Variants in OR2AG1 observed in about 807,000 individuals in gnomAD.
OR2AG1 encodes olfactory receptor family 2 subfamily AG member 1.
For missense variants in OR2AG1, 391 were observed against 385.9 expected, an observed-to-expected ratio of 1.01 and a Z score of -0.11; for synonymous variants, 157 against 155.6, an observed-to-expected ratio of 1.01 and a Z score of -0.07.
rs963774881 is a variant in OR2AG1, at chr11:6,787,967, C to A, written c.*1979C>A. 2.0e-5 allele frequency: 3 copies of A among 151,852 alleles called. No homozygotes were observed. The highest frequency in any genetic ancestry group is 4.8e-5 in the African/African-American group (2 of 41,310). The allele number at this position is 151,852 out of a possible 1,614,324, so 9.4% of individuals were successfully genotyped here. A position where few individuals can be genotyped will look rare whatever the true frequency, so the allele number is the denominator to read the frequency against. ...ACTAATTGATAAGGTATAAAATTTGCCTATTTTAATTTGCTTAAGTAACTT... is the reference window on the plus strand; with the variant it reads ...ACTAATTGATAAGGTATAAAATTTGACTATTTTAATTTGCTTAAGTAACTT... On this transcript the variant is annotated 3_prime_UTR_variant, in exon 2 of 2. Coordinates refer to ENST00000641258, the MANE Select transcript of OR2AG1 (RefSeq NM_001004489.3).
Position 6,785,124 on chromosome 11 carries a change from T to G in OR2AG1, c.87T>G (p.Ala29=). The G allele has an allele frequency of 6.2e-7, 1 of 1,614,130 alleles. No individual in the cohort carries two copies. The highest frequency in any genetic ancestry group is 8.5e-7 in the Non-Finnish European group (1 of 1,179,954). Residue 29 remains alanine, a synonymous_variant, in exon 2 of 2, where the codon GCT becomes GCG. Coordinates refer to ENST00000641258, the MANE Select transcript of OR2AG1 (RefSeq NM_001004489.3). ...NDSGSPELLC[A]TITILYLLAL... ...GTGGGTCTCCTGAACTGCTCTGTGCTACAATTACAATCCTATACTTGTTGG... is the reference window on the plus strand; with the variant it reads ...GTGGGTCTCCTGAACTGCTCTGTGCGACAATTACAATCCTATACTTGTTGG...
chr11:6,790,754 T>C lies in OR2AG1; in HGVS notation c.*4766T>C, dbSNP rs944479743. The C allele has an allele frequency of 2.0e-5, 3 of 152,206 alleles. No homozygotes were observed. Among genetic ancestry groups the C allele is most frequent in the Admixed American group, 6.5e-5 (1 of 15,276 alleles). 9.4% of individuals were successfully genotyped at this position (152,206 alleles called of 1,614,324 possible). A position where few individuals can be genotyped will look rare whatever the true frequency, so the allele number is the denominator to read the frequency against. On this transcript the variant is annotated 3_prime_UTR_variant, in exon 2 of 2. Transcript: ENST00000641258. ...AGACGACTTGCAGTGTAGAGCCCTC[T>C]AGGCTTTCAGCCTAGAACAGGAAGG...
chr11:6,783,118 T>A lies in OR2AG1; in HGVS notation c.-374T>A, dbSNP rs1256402787. The A allele has an allele frequency of 6.6e-6, 1 of 152,226 alleles. No homozygotes were observed. The allele number at this position is 152,226 out of a possible 1,614,324, so 9.4% of individuals were successfully genotyped here. ...CTGCTCTAGGGCTAGAGGGGCTCTC[T>A]CCCTGGCAACCTGTATGAAAGTAGT... On this transcript the variant is annotated 5_prime_UTR_variant, in exon 1 of 2. Coordinates refer to ENST00000641258, the MANE Select transcript of OR2AG1 (RefSeq NM_001004489.3).
chr11:6,783,645 C>G (rs1398684283), intron 1 of OR2AG1, among the ~76,000 whole-genome samples, 174 bp downstream of exon 1: 3 of 152,146 alleles, frequency 2.0e-5, no homozygotes, highest in African/African-American at 4.8e-5. Context: ...TTTTCTGAAC[C>G]CGAAAAGAGA....
Position 6,786,943 on chromosome 11 carries a change from G to C in OR2AG1, c.*955G>C, listed in dbSNP as rs182334466. 91 of 152,314 alleles carry C rather than the reference G, an allele frequency of 6.0e-4. No individual in the cohort carries two copies. The highest frequency in any genetic ancestry group is 2.0e-3 in the African/African-American group (84 of 41,574). 9.4% of individuals were successfully genotyped at this position (152,314 alleles called of 1,614,324 possible). On this transcript the variant is annotated 3_prime_UTR_variant, in exon 2 of 2. Coordinates refer to ENST00000641258, the MANE Select transcript of OR2AG1 (RefSeq NM_001004489.3). The stretch of plus-strand genomic sequence containing the variant: ...AAGATGTGAACAAAAGCTGTGAGTT[G>C]CATTTTGAAGATTAAAAATAATATA...
rs930003422 is a variant in OR2AG1 at position 6,785,517 on chromosome 11, C to A, written c.480C>A (p.Thr160=). The change falls in exon 2 of 2, where the codon ACC becomes ACA. Residue 160 remains threonine (T), a synonymous_variant. Coordinates refer to ENST00000641258, the MANE Select transcript of OR2AG1 (RefSeq NM_001004489.3). ...CATCCCTAAGTGCCCTAATATATAC[C>A]GTGTATACCATGCACTATCCCTTCT... ...ILASLSALIY[T]VYTMHYPFCR... 1.9e-6 allele frequency: 3 copies of A among 1,614,098 alleles called. No individual in the cohort carries two copies. Among genetic ancestry groups the A allele is most frequent in the South Asian group, 1.1e-5 (1 of 91,072 alleles).
rs1847647098 is a variant in OR2AG1 at position 6,788,193 on chromosome 11, A to G, written c.*2205A>G. On this transcript the variant is annotated 3_prime_UTR_variant, in exon 2 of 2. Coordinates refer to ENST00000641258, the MANE Select transcript of OR2AG1 (RefSeq NM_001004489.3). The stretch of plus-strand genomic sequence containing the variant: ...TTTATTTTTTTTTCCAGTGATTTTT[A>G]CTGTTAGGATATAATTTTCTATTCT... The G allele has an allele frequency of 1.3e-5, 2 of 151,934 alleles. No homozygotes were observed. The highest frequency in any genetic ancestry group is 4.8e-5 in the African/African-American group (2 of 41,394). 9.4% of individuals were successfully genotyped at this position (151,934 alleles called of 1,614,324 possible). A position where few individuals can be genotyped will look rare whatever the true frequency, so the allele number is the denominator to read the frequency against.
rs1192632646 is a variant in OR2AG1 at position 6,789,835 on chromosome 11, C to G, written c.*3847C>G. The stretch of plus-strand genomic sequence containing the variant: ...AAAATGGTACAGCCATTATGGAAAA[C>G]AGTATGGAGGTCTAAAGATTCAAAC... On this transcript the variant is annotated 3_prime_UTR_variant, in exon 2 of 2. Coordinates refer to ENST00000641258, the MANE Select transcript of OR2AG1 (RefSeq NM_001004489.3). 1 of 152,144 alleles carries G rather than the reference C, an allele frequency of 6.6e-6. No homozygotes were observed. 9.4% of individuals were successfully genotyped at this position (152,144 alleles called of 1,614,324 possible). A position where few individuals can be genotyped will look rare whatever the true frequency, so the allele number is the denominator to read the frequency against.
At position 6,785,749 on chromosome 11, in the gene OR2AG1, C is replaced by T. The variant is rs780442413; in HGVS notation, c.712C>T (p.Leu238Phe). 9.3e-6 allele frequency: 15 copies of T among 1,614,156 alleles called. No homozygotes were observed. In the South Asian group the frequency reaches 1.5e-4, roughly 17 times the overall value. Residue 238 changes from leucine to phenylalanine, a missense_variant, in exon 2 of 2, where the codon CTT becomes TTT. Transcript: ENST00000641258. ...ATCAAATGAGGGGAGGAAGAAAGCC[C>T]TTGTCACCTGCTCTTCCCACCTGAC... ...MPSNEGRKKA[L>F]VTCSSHLTVV...
rs1847589787 is a variant in OR2AG1 at position 6,783,179 on chromosome 11, G to A, written c.-313G>A. The A allele has an allele frequency of 6.6e-6, 1 of 152,210 alleles. No individual in the cohort carries two copies. Among genetic ancestry groups the A allele is most frequent in the South Asian group, 2.1e-4 (1 of 4,832 alleles). The allele number at this position is 152,210 out of a possible 1,614,324, so 9.4% of individuals were successfully genotyped here. A position where few individuals can be genotyped will look rare whatever the true frequency, so the allele number is the denominator to read the frequency against. On this transcript the variant is annotated 5_prime_UTR_variant, in exon 1 of 2. Transcript: ENST00000641258. ...TCTTCACAGGCGTGAGAACAAGAAAGTAATCTTCTTCCTATATAGGAAACT... is the reference window on the plus strand; with the variant it reads ...TCTTCACAGGCGTGAGAACAAGAAAATAATCTTCTTCCTATATAGGAAACT...
At position 6,788,202 on chromosome 11, in the gene OR2AG1, A is replaced by G. The variant is rs1017765137; in HGVS notation, c.*2214A>G. On this transcript the variant is annotated 3_prime_UTR_variant, in exon 2 of 2. Transcript: ENST00000641258. ...TTTTCCAGTGATTTTTACTGTTAGG[A>G]TATAATTTTCTATTCTCATTGACGT... 1 of 151,996 alleles carries G rather than the reference A, an allele frequency of 6.6e-6. No homozygotes were observed. Among genetic ancestry groups the G allele is most frequent in the Non-Finnish European group, 1.5e-5 (1 of 67,990 alleles). The allele number at this position is 151,996 out of a possible 1,614,324, so 9.4% of individuals were successfully genotyped here.
rs1166361458 is a variant in OR2AG1, at chr11:6,790,435, G to A, written c.*4447G>A. On this transcript the variant is annotated 3_prime_UTR_variant, in exon 2 of 2. Coordinates refer to ENST00000641258, the MANE Select transcript of OR2AG1 (RefSeq NM_001004489.3). ...CACGCACAGAGGGTAAGTATGTAAG[G>A]TGATTGATATGTTGCTCTGTTAATT... is the stretch of plus-strand genomic sequence containing the variant. The A allele has an allele frequency of 6.6e-6, 1 of 152,142 alleles. No homozygotes were observed. Among genetic ancestry groups the A allele is most frequent in the Admixed American group, 6.5e-5 (1 of 15,274 alleles). 9.4% of individuals were successfully genotyped at this position (152,142 alleles called of 1,614,324 possible).
At position 6,787,273 on chromosome 11, in the gene OR2AG1, G is replaced by C. The variant is rs1308927754; in HGVS notation, c.*1285G>C. The C allele has an allele frequency of 6.6e-6, 1 of 151,906 alleles. No homozygotes were observed. Among genetic ancestry groups the C allele is most frequent in the Non-Finnish European group, 1.5e-5 (1 of 68,006 alleles). The allele number at this position is 151,906 out of a possible 1,614,324, so 9.4% of individuals were successfully genotyped here. ...ATTTTTCCTATATTATATAGTGGCA[G>C]TATACAGCACTGCAAAGAGTCTAGG... On this transcript the variant is annotated 3_prime_UTR_variant, in exon 2 of 2. Transcript: ENST00000641258.
Position 6,789,765 on chromosome 11 carries a change from G to A in OR2AG1, c.*3777G>A, listed in dbSNP as rs937768603. On this transcript the variant is annotated 3_prime_UTR_variant, in exon 2 of 2. Transcript: ENST00000641258. ...GTCAAAGCAAAACAAGTGTTGGTAG[G>A]TATGGGGAGAAAATGGAACCTGTGT... 6.6e-6 allele frequency: 1 copy of A among 152,392 alleles called. No homozygotes were observed. The highest frequency in any genetic ancestry group is 2.4e-5 in the African/African-American group (1 of 41,450). The allele number at this position is 152,392 out of a possible 1,614,324, so 9.4% of individuals were successfully genotyped here.
Position 6,785,063 on chromosome 11 carries a change from G to A in OR2AG1, c.26G>A (p.Gly9Glu), listed in dbSNP as rs769650138. The A allele has an allele frequency of 7.4e-6, 12 of 1,611,190 alleles. No homozygotes were observed. In the South Asian group the frequency reaches 1.3e-4, roughly 18 times the overall value. Residue 9 changes from glycine (G) to glutamate (E), a missense_variant, in exon 2 of 2, where the codon GGA becomes GAA. Coordinates refer to ENST00000641258, the MANE Select transcript of OR2AG1 (RefSeq NM_001004489.3). Reference protein sequence around the residue: MELWNFTLGSGFILVGILN... With the variant: MELWNFTLESGFILVGILN... ...ATGGAGCTCTGGAACTTCACCTTGG[G>A]AAGTGGCTTCATTTTGGTGGGGATT...
In OR2AG1 at chr11:6,788,945, A is replaced by AAT. The variant is rs1554921422; in HGVS notation, c.*2959_*2960dup. ...AAATAAATAAATAAATAAATAAATA[A>AAT]ATAAATAAAGTAAGAAGTCTTTGCA... On this transcript the variant is annotated 3_prime_UTR_variant, in exon 2 of 2. Transcript: ENST00000641258. The AAT allele has an allele frequency of 9.9e-5, 15 of 150,964 alleles. No homozygotes were observed. The highest frequency in any genetic ancestry group is 3.2e-4 in the African/African-American group (13 of 41,062). The allele number at this position is 150,964 out of a possible 1,614,324, so 9.4% of individuals were successfully genotyped here.
At position 6,785,160 on chromosome 11, in the gene OR2AG1, C is replaced by G. The variant is rs1178558847; in HGVS notation, c.123C>G (p.Ser41Arg). ...TCCTATACTTGTTGGCCCTGATCAGCAATGGCCTACTGCTCCTGGCTATCA... is the reference window on the plus strand; with the variant it reads ...TCCTATACTTGTTGGCCCTGATCAGGAATGGCCTACTGCTCCTGGCTATCA... ...ITILYLLALI[S>R]NGLLLLAITM... is the part of the protein sequence containing the mutation. Residue 41 changes from serine (S) to arginine (R), a missense_variant, in exon 2 of 2, where the codon AGC becomes AGG. Ser to Arg is a moderately radical substitution (Grantham distance 110). Coordinates refer to ENST00000641258, the MANE Select transcript of OR2AG1 (RefSeq NM_001004489.3). 1.9e-6 allele frequency: 3 copies of G among 1,614,110 alleles called. No individual in the cohort carries two copies. Among genetic ancestry groups the G allele is most frequent in the Non-Finnish European group, 1.7e-6 (2 of 1,179,968 alleles).
chr11:6,787,086 G>GA lies in OR2AG1; in HGVS notation c.*1101dup, dbSNP rs558557909. On this transcript the variant is annotated 3_prime_UTR_variant, in exon 2 of 2. Transcript: ENST00000641258. Reference sequence around the variant, plus strand: ...AAAACAGTAACTGAGACTAGGTTCAGAAAGTATAGTAGTAGTATATCATGT... The same window carrying GA: ...AAAACAGTAACTGAGACTAGGTTCAGAAAAGTATAGTAGTAGTATATCATGT... The GA allele has an allele frequency of 1.8e-4, 27 of 152,282 alleles. No individual in the cohort carries two copies. Among genetic ancestry groups the GA allele is most frequent in the Admixed American group, 7.2e-4 (11 of 15,304 alleles). The allele number at this position is 152,282 out of a possible 1,614,324, so 9.4% of individuals were successfully genotyped here. A position where few individuals can be genotyped will look rare whatever the true frequency, so the allele number is the denominator to read the frequency against.
Position 6,786,343 on chromosome 11 carries a change from T to C in OR2AG1, c.*355T>C, listed in dbSNP as rs547691964. 1.4e-3 allele frequency: 255 copies of C among 183,092 alleles called. 1 individual carries two copies. Among genetic ancestry groups the C allele is most frequent in the Non-Finnish European group, 2.0e-3 (178 of 88,400 alleles). 11.3% of individuals were successfully genotyped at this position (183,092 alleles called of 1,614,324 possible). A position where few individuals can be genotyped will look rare whatever the true frequency, so the allele number is the denominator to read the frequency against. ...GAACCAGAGAAAGGAAAGTTTCAAG[T>C]GGGTGGTGTAAGTAAAACCCAGACA... is the stretch of plus-strand genomic sequence containing the variant. On this transcript the variant is annotated 3_prime_UTR_variant, in exon 2 of 2. Transcript: ENST00000641258.
Sources: allele counts gnomAD v4.1 joint callset (sites outside exome capture counted in the v4.1 genomes callset), GRCh38; gene constraint gnomAD v4.1.1; transcripts MANE v1.5; gene names NCBI Gene and HGNC (gene_info 2026-07-23, HGNC 2026-07-21).